The following CSRNP3 variants were observed in gnomAD, a reference collection of about 807,000 sequenced individuals.
CSRNP3 encodes cysteine/serine-rich nuclear protein 3.
CSRNP3 carries 12 observed loss-of-function variants against 48.0 expected under a neutral mutation model. The ratio of observed to expected loss-of-function variants is 0.25; its 90% CI spans 0.16 to 0.41. The LOEUF (loss-of-function observed/expected upper bound fraction) is 0.41. CSRNP3 is among the 10% of genes least tolerant of loss of function. The probability of loss-of-function intolerance (pLI) is 1.00; values close to 1 mark genes in which losing one functional copy is unlikely to be tolerated. For missense variants in CSRNP3, 580 were observed against 724.4 expected (o/e 0.80, Z 2.29); for synonymous variants, 263 against 269.7 (o/e 0.98, Z 0.24).
intron 3 of CSRNP3, among the ~76,000 whole-genome samples, chr2:165,547,512 G>A (rs961936606): frequency 2.0e-5 from 3 of 152,010 alleles, no homozygotes; most frequent in Middle Eastern, 3.4e-3. Flanking sequence ...TTCAATTCAC[G>A]TTTCCTTGAT....
intron 2 of CSRNP3, among the ~76,000 whole-genome samples, chr2:165,505,691 T>G (rs559936288): frequency 2.6e-5 from 4 of 152,078 alleles, no homozygotes; most frequent in Non-Finnish European, 4.4e-5. Flanking sequence ...CTTCCGGAGG[T>G]TTTTTTAATT....
intron 4 of CSRNP3, among the ~76,000 whole-genome samples, chr2:165,655,437 T>C (rs984358560): frequency 6.6e-6 from 1 of 152,186 alleles, no homozygotes; most frequent in African/African-American, 2.4e-5. Flanking sequence ...TAAAATGAGA[T>C]AATTCATGTA....
At chr2:165,524,399 T>C (rs1288919398) in intron 3 of CSRNP3, among the ~76,000 whole-genome samples, 1 of 152,174 alleles carries the variant, frequency 6.6e-6, no homozygotes, top group Non-Finnish European at 1.5e-5. Context: ...AGCTTATAGG[T>C]ATTTATGTGA....
At chr2:165,525,488 C>CT (rs766376805) in intron 3 of CSRNP3, among the ~76,000 whole-genome samples, 3,569 of 133,758 alleles carry the variant, frequency 0.027, 160 homozygotes, top group African/African-American at 0.086. Flanking sequence ...TCTTCTTCTT[C>CT]TTTTTTTTTT....
intron 4 of CSRNP3, among the ~76,000 whole-genome samples, chr2:165,603,958 T>C (rs1262170099): frequency 6.6e-6 from 1 of 152,210 alleles, no homozygotes; most frequent in African/African-American, 2.4e-5. Context: ...TTTACCCTAA[T>C]AGGCAGGGCT....
rs1558968201 is a variant in CSRNP3, at chr2:165,666,999, G to GGAAGGAAGGAAGGAA, written c.408+8979_408+8980insGAAGGAAGGAAGGAA. On this transcript the variant is annotated intron_variant, in intron 5 of 6. Transcript: ENST00000651982. ...AGAGAGAGAGGAAGAAAGAAAGAGA[G>GGAAGGAAGGAAGGAA]AGAGAGGAAGGAAGGAAGGAAAGAG... 1.1e-4 allele frequency among the ~76,000 whole-genome samples: 12 copies of GGAAGGAAGGAAGGAA among 106,764 alleles called. 1 individual carries two copies. The highest frequency in any genetic ancestry group is 3.0e-4 in the South Asian group (1 of 3,334). 70.0% of individuals were successfully genotyped at this position (106,764 alleles called of 152,430 possible).
In CSRNP3 at chr2:165,681,328, C is replaced by T. The variant is rs533302936; in HGVS notation, c.*1575C>T. The T allele has an allele frequency of 6.6e-5, 10 of 152,116 alleles. No homozygotes were observed. Among genetic ancestry groups the T allele is most frequent in the Admixed American group, 3.9e-4 (6 of 15,260 alleles). 9.4% of individuals were successfully genotyped at this position (152,116 alleles called of 1,614,324 possible). A position where few individuals can be genotyped will look rare whatever the true frequency, so the allele number is the denominator to read the frequency against. On this transcript the variant is annotated 3_prime_UTR_variant, in exon 7 of 7. Transcript: ENST00000651982. Reference sequence around the variant, plus strand: ...TGAAATGCGGACATGACTTGCTATTCAGTGACTGCATCGCTACTTATTTTT... The same window carrying T: ...TGAAATGCGGACATGACTTGCTATTTAGTGACTGCATCGCTACTTATTTTT...
chr2:165,649,979 TTAAACTCTTTA>T (rs1341927657), intron 4 of CSRNP3, among the ~76,000 whole-genome samples: 1 of 152,186 alleles, frequency 6.6e-6, no homozygotes, highest in Non-Finnish European at 1.5e-5. Context: ...AGTATGTGTT[TTAAACTCTTTA>T]TAACTGAATG....
chr2:165,675,364 A>C (rs907460948), intron 5 of CSRNP3, among the ~76,000 whole-genome samples: 1 of 152,148 alleles, frequency 6.6e-6, no homozygotes, highest in African/African-American at 2.4e-5. Context: ...TTTCTCATGG[A>C]GTTTCTGCAT....
Position 165,684,038 on chromosome 2 carries a change from A to G in CSRNP3, c.*4285A>G, listed in dbSNP as rs1417923498. 6.6e-6 allele frequency: 1 copy of G among 152,158 alleles called. No individual in the cohort carries two copies. Among genetic ancestry groups the G allele is most frequent in the African/African-American group, 2.4e-5 (1 of 41,464 alleles). The allele number at this position is 152,158 out of a possible 1,614,324, so 9.4% of individuals were successfully genotyped here. A position where few individuals can be genotyped will look rare whatever the true frequency, so the allele number is the denominator to read the frequency against. Reference sequence around the variant, plus strand: ...TAAGTGATGCTAAATTTACACCAGCAAACTCCTATCAGACAGTTTCAAGGA... The same window carrying G: ...TAAGTGATGCTAAATTTACACCAGCGAACTCCTATCAGACAGTTTCAAGGA... On this transcript the variant is annotated 3_prime_UTR_variant, in exon 7 of 7. Transcript: ENST00000651982.
intron 3 of CSRNP3, among the ~76,000 whole-genome samples, chr2:165,543,898 A>G (rs1051097220): frequency 6.6e-6 from 1 of 152,124 alleles, no homozygotes; most frequent in East Asian, 1.9e-4. Context: ...GAACACATCA[A>G]TAAAAAAAGA....
At chr2:165,477,650 C>T (rs944932842) in intron 1 of CSRNP3, among the ~76,000 whole-genome samples, 47 of 143,548 alleles carry the variant, frequency 3.3e-4, no homozygotes, top group Admixed American at 7.2e-5. Context: ...GCCTGGGCGA[C>T]AGAGCCAGAC....
intron 3 of CSRNP3, among the ~76,000 whole-genome samples, chr2:165,543,280 A>G (rs1462572704): frequency 2.0e-5 from 3 of 152,070 alleles, no homozygotes; most frequent in African/African-American, 7.2e-5. Flanking sequence ...TTTTAATCTA[A>G]TTTGTTTACT....
chr2:165,518,227 A>G (rs1514759), intron 3 of CSRNP3, among the ~76,000 whole-genome samples: 40,681 of 151,850 alleles, frequency 0.27, 5,681 homozygotes, highest in East Asian at 0.34. Context: ...ATTAGCATAA[A>G]AATAAACATT....
At chr2:165,651,727 C>T (rs1686913301) in intron 4 of CSRNP3, among the ~76,000 whole-genome samples, 1 of 150,122 alleles carries the variant, frequency 6.7e-6, no homozygotes, top group Admixed American at 6.7e-5. Context: ...GTGATCTCAG[C>T]TCACTGCAAC....
chr2:165,676,426 C>A lies in CSRNP3; in HGVS notation c.523C>A (p.Gln175Lys), dbSNP rs1407025333. 1 of 1,614,030 alleles carries A rather than the reference C, an allele frequency of 6.2e-7. No homozygotes were observed. The highest frequency in any genetic ancestry group is 1.3e-5 in the African/African-American group (1 of 74,922). ...AGAGGTAGATGAGTACTTCTTCCTA[C>A]AACCTTTGCCAACAAAAAAACGAAG... ...NTEVDEYFFL[Q>K]PLPTKKRRAL... Residue 175 changes from glutamine to lysine, a missense_variant, in exon 6 of 7, where the codon CAA becomes AAA. Physicochemically the swap from Gln to Lys is moderately conservative, Grantham distance 53. Coordinates refer to ENST00000651982, the MANE Select transcript of CSRNP3 (RefSeq NM_001172173.2).
At chr2:165,584,354 C>T (rs1388896801) in intron 3 of CSRNP3, among the ~76,000 whole-genome samples, 1 of 152,166 alleles carries the variant, frequency 6.6e-6, no homozygotes, top group East Asian at 1.9e-4. Flanking sequence ...ACCCCTCCGA[C>T]ACAACTTCTC....
intron 4 of CSRNP3, among the ~76,000 whole-genome samples, chr2:165,626,902 TC>T (rs1190101099): frequency 6.6e-6 from 1 of 152,354 alleles, no homozygotes; most frequent in Admixed American, 6.5e-5. Flanking sequence ...AATGAACAGA[TC>T]CTTTTTCCTT....
chr2:165,627,561 C>T (rs186309166), intron 4 of CSRNP3, among the ~76,000 whole-genome samples: 2 of 152,258 alleles, frequency 1.3e-5, no homozygotes, highest in East Asian at 1.9e-4. Flanking sequence ...GATACTCTCT[C>T]GTCATTGCAT....
Sources: gnomAD v4.1 joint callset for allele counts (sites outside exome capture counted in the v4.1 genomes callset) on GRCh38, gnomAD v4.1.1 for gene constraint, MANE v1.5 for transcripts, NCBI Gene and HGNC (gene_info 2026-07-23, HGNC 2026-07-21) for gene names.